Variants in KIAA1328 observed in about 807,000 individuals in gnomAD.
KIAA1328 encodes the protein KIAA1328.
In KIAA1328, 52 loss-of-function variants were observed where a neutral mutation model predicts 68.1. The observed-to-expected ratio is 0.76, with a 90% CI of 0.61 to 0.96. KIAA1328 has a LOEUF of 0.96. Among genes scored for constraint, KIAA1328 ranks in the 40% least tolerant of loss-of-function variants. The pLI, the probability that KIAA1328 is intolerant of heterozygous loss-of-function variation, is 0.00. For synonymous variants in KIAA1328, 232 were observed against 239.4 expected (o/e 0.97, Z 0.28); for missense variants, 641 against 677.6 (o/e 0.95, Z 0.60).
intron 5 of KIAA1328, among the ~76,000 whole-genome samples, chr18:36,952,601 CAAG>C (rs1393797258): frequency 6.6e-6 from 1 of 152,164 alleles, no homozygotes; most frequent in African/African-American, 2.4e-5. Flanking sequence ...CGATTTGAGC[CAAG>C]AATGTTGGAC....
rs912654739 is a variant in KIAA1328, at chr18:36,982,161, T to C, written c.576+22726T>C. ...AATATAAATAAATATATATAATATA[T>C]ATATATAATATATATAACTGGAGTT... On this transcript the variant is annotated intron_variant, in intron 6 of 9. Coordinates refer to ENST00000280020, the MANE Select transcript of KIAA1328 (RefSeq NM_020776.3). 7.7e-3 allele frequency among the ~76,000 whole-genome samples: 1,119 copies of C among 144,458 alleles called. 49 individuals carry two copies. Among genetic ancestry groups the C allele is most frequent in the Admixed American group, 0.069 (976 of 14,044 alleles). The allele number at this position is 144,458 out of a possible 152,430, so 94.8% of individuals were successfully genotyped here.
In KIAA1328 at chr18:36,978,230, T is replaced by A. The variant is rs2052548365; in HGVS notation, c.576+18795T>A. Among the ~76,000 whole-genome samples, 4 of 152,326 alleles carry A rather than the reference T, an allele frequency of 2.6e-5. No individual in the cohort carries two copies. The South Asian group carries it at 8.3e-4, about 32-fold the overall frequency. On this transcript the variant is annotated intron_variant, in intron 6 of 9. Transcript: ENST00000280020. The stretch of plus-strand genomic sequence containing the variant: ...GAATTCTGACAACTACTGTGAAATG[T>A]TATCTACCAGGGAGACTCACTGGAG...
intron 7 of KIAA1328, among the ~76,000 whole-genome samples, chr18:37,068,747 A>G (rs896916209): frequency 6.6e-6 from 1 of 151,908 alleles, no homozygotes; most frequent in African/African-American, 2.4e-5. Flanking sequence ...AATAGCAAAT[A>G]TTTTCTCCCA....
At chr18:37,030,432 C>T (rs2054776990) in intron 6 of KIAA1328, among the ~76,000 whole-genome samples, 1 of 152,016 alleles carries the variant, frequency 6.6e-6, no homozygotes, top group Non-Finnish European at 1.5e-5. Context: ...TCATAAGATT[C>T]TTAATTTCCA....
chr18:37,042,084 G>A (rs2055275901), intron 6 of KIAA1328, among the ~76,000 whole-genome samples: 1 of 151,922 alleles, frequency 6.6e-6, no homozygotes, highest in Non-Finnish European at 1.5e-5. Flanking sequence ...TTTTTGTAGA[G>A]TTAGGTTTTC....
intron 3 of KIAA1328, among the ~76,000 whole-genome samples, chr18:36,841,769 T>C (rs1448728889): frequency 6.6e-6 from 1 of 152,258 alleles, no homozygotes. Context: ...CAGATTCGGC[T>C]TGCAGCCATG....
chr18:37,127,635 G>T (rs139128447), intron 7 of KIAA1328, among the ~76,000 whole-genome samples: 237 of 152,218 alleles, frequency 1.6e-3, no homozygotes, highest in Non-Finnish European at 2.4e-3. Context: ...GAAACCCAGT[G>T]TCATTAAGAT....
At chr18:36,954,768 C>T (rs894424069) in intron 5 of KIAA1328, among the ~76,000 whole-genome samples, 1 of 149,778 alleles carries the variant, frequency 6.7e-6, no homozygotes, top group African/African-American at 2.5e-5. Context: ...GATCTCAACT[C>T]ACTGCAACTT....
intron 6 of KIAA1328, among the ~76,000 whole-genome samples, chr18:37,046,176 T>G (rs1271463344): frequency 2.0e-5 from 3 of 152,216 alleles, no homozygotes; most frequent in South Asian, 4.1e-4. Flanking sequence ...GTTTATAATC[T>G]TCATGGACTG....
intron 4 of KIAA1328, among the ~76,000 whole-genome samples, chr18:36,871,070 G>C (rs2047929347): frequency 6.6e-6 from 1 of 152,132 alleles, no homozygotes; most frequent in South Asian, 2.1e-4. Context: ...CTGGTTGGTT[G>C]GTTGCCCTTC....
chr18:37,177,266 A>G (rs762530981), intron 9 of KIAA1328, among the ~76,000 whole-genome samples: 10 of 152,174 alleles, frequency 6.6e-5, no homozygotes, highest in African/African-American at 2.4e-4. Flanking sequence ...AGATTGCTCA[A>G]TGCAACAGAA....
At chr18:37,029,407 T>C (rs1478180059) in intron 6 of KIAA1328, among the ~76,000 whole-genome samples, 1 of 152,072 alleles carries the variant, frequency 6.6e-6, no homozygotes, top group East Asian at 1.9e-4. Flanking sequence ...AAGGTCTCAC[T>C]GTGTCGCCCA....
intron 6 of KIAA1328, among the ~76,000 whole-genome samples, chr18:36,990,441 G>A (rs1287012975): frequency 2.6e-5 from 4 of 152,018 alleles, no homozygotes; most frequent in Non-Finnish European, 5.9e-5. Flanking sequence ...TTGGGAGGCT[G>A]AGGCAGGCGG....
intron 5 of KIAA1328, among the ~76,000 whole-genome samples, chr18:36,937,057 A>G (rs2050526553): frequency 6.6e-6 from 1 of 152,160 alleles, no homozygotes; most frequent in African/African-American, 2.4e-5. Flanking sequence ...ATAACACCAC[A>G]CATCTACAAC....
intron 4 of KIAA1328, among the ~76,000 whole-genome samples, chr18:36,880,300 C>T (rs375786539): frequency 4.6e-5 from 7 of 152,112 alleles, no homozygotes; most frequent in Non-Finnish European, 7.4e-5. Context: ...CAATGCCTTG[C>T]GCTTCCGGGG....
At chr18:37,060,540 C>T (rs866090894) in intron 6 of KIAA1328, among the ~76,000 whole-genome samples, 1 of 152,180 alleles carries the variant, frequency 6.6e-6, no homozygotes, top group African/African-American at 2.4e-5. Flanking sequence ...TTACACTTCA[C>T]TTGTGGGATA....
intron 6 of KIAA1328, among the ~76,000 whole-genome samples, chr18:36,978,105 A>C (rs1021847366): frequency 1.3e-5 from 2 of 152,194 alleles, no homozygotes; most frequent in African/African-American, 4.8e-5. Context: ...TATGAAAGGA[A>C]TAAAGGGAAA....
chr18:37,083,459 C>A (rs2057009283), intron 7 of KIAA1328, among the ~76,000 whole-genome samples: 1 of 152,184 alleles, frequency 6.6e-6, no homozygotes, highest in African/African-American at 2.4e-5. Flanking sequence ...AACCAGAGAA[C>A]ATTTCTTAAA....
intron 7 of KIAA1328, among the ~76,000 whole-genome samples, chr18:37,107,447 G>T (rs1416614362): frequency 6.6e-6 from 1 of 152,076 alleles, no homozygotes; most frequent in Non-Finnish European, 1.5e-5. Context: ...ATTACTTTGG[G>T]CAGTATGACA....
Sources: allele counts gnomAD v4.1 joint callset (sites outside exome capture counted in the v4.1 genomes callset), GRCh38; gene constraint gnomAD v4.1.1; transcripts MANE v1.5; gene names NCBI Gene and HGNC (gene_info 2026-07-23, HGNC 2026-07-21).